Variants in LIMCH1 observed in about 807,000 individuals in gnomAD.
The protein encoded by LIMCH1 is LIM and calponin homology domains-containing protein 1.
A neutral mutation model predicts 176.5 loss-of-function variants in LIMCH1; 113 were observed. The observed-to-expected ratio is 0.64, with a 90% CI of 0.55 to 0.75. The LOEUF (loss-of-function observed/expected upper bound fraction) is 0.75. Among genes scored for constraint, LIMCH1 ranks in the 30% least tolerant of loss-of-function variants. LIMCH1 has a pLI of 0.00. For synonymous variants in LIMCH1, 619 were observed against 645.9 expected (o/e 0.96, Z 0.63); for missense variants, 1,674 against 1,814.9 (o/e 0.92, Z 1.41).
intron 1 of LIMCH1, among the ~76,000 whole-genome samples, chr4:41,367,016 A>G (rs2053114508): frequency 6.6e-6 from 1 of 152,186 alleles, no homozygotes; most frequent in African/African-American, 2.4e-5. Flanking sequence ...GGAGAGAGAG[A>G]GCAAGCGAAG....
chr4:41,415,175 C>T (rs906648878), intron 1 of LIMCH1, among the ~76,000 whole-genome samples: 14 of 152,072 alleles, frequency 9.2e-5, no homozygotes, highest in African/African-American at 2.4e-4. Flanking sequence ...CTTAACATCT[C>T]GAATTTGTAA....
At chr4:41,419,588 TTCCTTCCTTCCTTCCG>T (rs1414238737) in intron 1 of LIMCH1, among the ~76,000 whole-genome samples, 1,677 of 86,714 alleles carry the variant, frequency 0.019, 64 homozygotes, top group South Asian at 0.052. Flanking sequence ...CCTTCCTTCC[TTCCTTCCTTCCTTCCG>T]TCCTTCCTTC....
At chr4:41,431,028 T>G (rs2061565951) in intron 1 of LIMCH1, among the ~76,000 whole-genome samples, 1 of 152,250 alleles carries the variant, frequency 6.6e-6, no homozygotes, top group African/African-American at 2.4e-5. Context: ...CAGAAGTTGG[T>G]GCTGACCTTC....
chr4:41,503,231 G>C (rs7681015), intron 2 of LIMCH1, among the ~76,000 whole-genome samples: 31,066 of 151,940 alleles, frequency 0.2, 5,554 homozygotes, highest in African/African-American at 0.49. Flanking sequence ...CTTTATTGAC[G>C]TGAATTGGGC....
intron 14 of LIMCH1, among the ~76,000 whole-genome samples, chr4:41,640,872 A>G (rs4861124): frequency 0.43 from 64,838 of 151,824 alleles, 14,074 homozygotes; most frequent in South Asian, 0.46. Flanking sequence ...CGCACAGGCA[A>G]ACAGAGAAAT....
intron 3 of LIMCH1, among the ~76,000 whole-genome samples, chr4:41,604,478 AT>A (rs2090413296): frequency 6.6e-6 from 1 of 152,220 alleles, no homozygotes; most frequent in African/African-American, 2.4e-5. Flanking sequence ...TGCATCTAAA[AT>A]TTTAAAATTG....
intron 1 of LIMCH1, among the ~76,000 whole-genome samples, chr4:41,549,129 A>G (rs2080022483): frequency 1.3e-5 from 2 of 151,702 alleles, no homozygotes; most frequent in Admixed American, 6.6e-5. Context: ...GACTCCAGCA[A>G]CCATCCTGCC....
chr4:41,679,391 T>C (rs185144061), intron 23 of LIMCH1, among the ~76,000 whole-genome samples: 173 of 152,346 alleles, frequency 1.1e-3, no homozygotes, highest in African/African-American at 3.9e-3. Flanking sequence ...TGACTTCTGC[T>C]GCATTATTTC....
chr4:41,670,986 A>G (rs1323994105), intron 21 of LIMCH1: 3 of 981,658 alleles, frequency 3.1e-6, no homozygotes, highest in East Asian at 1.1e-4. Flanking sequence ...GAGGAATCAC[A>G]CAACTTTATG....
chr4:41,678,253 C>A (rs114425976), intron 23 of LIMCH1, among the ~76,000 whole-genome samples: 1 of 149,566 alleles, frequency 6.7e-6, no homozygotes, highest in Non-Finnish European at 1.5e-5. Context: ...TTTTCCTAAT[C>A]CTTTTGGCTT....
At chr4:41,558,151 T>C (rs1449090780) in intron 1 of LIMCH1, among the ~76,000 whole-genome samples, 1 of 152,040 alleles carries the variant, frequency 6.6e-6, no homozygotes, top group East Asian at 1.9e-4. Context: ...CCATAAACGG[T>C]GTGTGCTGTG....
At position 41,419,676 on chromosome 4, in the gene LIMCH1, CCTT is replaced by C. The variant is rs1348954741; in HGVS notation, c.96+58742_96+58744del. Among the ~76,000 whole-genome samples, 6 of 72,936 alleles carry C rather than the reference CCTT, an allele frequency of 8.2e-5. 1 individual carries two copies. Among genetic ancestry groups the C allele is most frequent in the Admixed American group, 3.3e-4 (2 of 6,068 alleles). 47.8% of individuals were successfully genotyped at this position (72,936 alleles called of 152,430 possible). ...TCCTTCCTTCCTTCCTTCCTTCCTT[CCTT>C]CCTCCTTCCTTCCTTCCTTCCTTCC... On this transcript the variant is annotated intron_variant, in intron 1 of 26. Transcript: ENST00000313860.
At chr4:41,651,302 A>G (rs1422211104) in intron 18 of LIMCH1, among the ~76,000 whole-genome samples, 1 of 152,110 alleles carries the variant, frequency 6.6e-6, no homozygotes, top group Non-Finnish European at 1.5e-5. Flanking sequence ...TACCACACCC[A>G]GCCTAATTTC....
intron 2 of LIMCH1, among the ~76,000 whole-genome samples, chr4:41,599,784 A>T (rs1345641331): frequency 6.6e-6 from 1 of 152,210 alleles, no homozygotes; most frequent in Non-Finnish European, 1.5e-5. Context: ...GTGAATAGGT[A>T]ACTTTTCTTC....
intron 1 of LIMCH1, among the ~76,000 whole-genome samples, chr4:41,396,721 T>C (rs906316427): frequency 6.6e-6 from 1 of 151,904 alleles, no homozygotes; most frequent in Admixed American, 6.6e-5. Context: ...GCCAACATGG[T>C]GAAACCCTGT....
At chr4:41,613,393 C>A in intron 4 of LIMCH1, 73 bp from the exon 5 acceptor site, 1 of 1,302,974 alleles carries the variant, frequency 7.7e-7, no homozygotes, top group Non-Finnish European at 1.1e-6. Context: ...TTTTGGAGAC[C>A]ACTGGAGACC....
chr4:41,388,623 T>G (rs2056807165), intron 1 of LIMCH1, among the ~76,000 whole-genome samples: 2 of 151,144 alleles, frequency 1.3e-5, no homozygotes, highest in Admixed American at 6.6e-5. Context: ...AATTTTGCAG[T>G]ATGCAGGCTA....
chr4:41,513,500 G>C (rs1205803930), intron 2 of LIMCH1, among the ~76,000 whole-genome samples: 1 of 152,164 alleles, frequency 6.6e-6, no homozygotes, highest in African/African-American at 2.4e-5. Flanking sequence ...AGGACCCAGA[G>C]ATTTTACTGC....
upstream of LIMCH1, among the ~76,000 whole-genome samples, chr4:41,537,675 G>C (rs2078102490): frequency 6.6e-6 from 1 of 152,206 alleles, no homozygotes; most frequent in East Asian, 1.9e-4. Context: ...AGCATTGTGG[G>C]ATTAAATGAG....
Sources: gnomAD v4.1 joint callset for allele counts (sites outside exome capture counted in the v4.1 genomes callset) on GRCh38, gnomAD v4.1.1 for gene constraint, MANE v1.5 for transcripts, NCBI Gene and HGNC (gene_info 2026-07-23, HGNC 2026-07-21) for gene names.